METTL2A: variants seen among roughly 807,000 people sequenced by gnomAD.
METTL2A encodes methyltransferase 2A, tRNA N3-cytidine.
A neutral mutation model predicts 49.4 loss-of-function variants in METTL2A; 45 were observed. The observed-to-expected ratio is 0.91, with a 90% CI of 0.72 to 1.17. METTL2A has a LOEUF of 1.17. METTL2A is among the 50% of genes most tolerant of loss of function. The pLI is 0.00. For missense variants in METTL2A, 361 were observed against 462.2 expected (o/e 0.78, Z 2.01); for synonymous variants, 118 against 167.5 (o/e 0.70, Z 2.28).
chr17:62,436,090 G>A (rs1304221676), intron 5 of METTL2A, among the ~76,000 whole-genome samples: 1 of 151,672 alleles, frequency 6.6e-6, no homozygotes, highest in Non-Finnish European at 1.5e-5. Flanking sequence ...AAATTAGCCG[G>A]GCTAAAAATA....
intron 7 of METTL2A, among the ~76,000 whole-genome samples, chr17:62,446,875 G>A (rs1405324943): frequency 6.6e-6 from 1 of 152,170 alleles, no homozygotes; most frequent in Non-Finnish European, 1.5e-5. Flanking sequence ...TATCTGCAGG[G>A]AAATAAGTAC....
chr17:62,452,599 A>G lies in METTL2A; in HGVS notation c.*3870A>G, dbSNP rs1452640798. Among the ~76,000 whole-genome samples the G allele has an allele frequency of 6.6e-6, 1 of 152,094 alleles. No individual in the cohort carries two copies. Among genetic ancestry groups the G allele is most frequent in the Non-Finnish European group, 1.5e-5 (1 of 68,012 alleles). On this transcript the variant is annotated 3_prime_UTR_variant, in exon 9 of 9. Coordinates refer to ENST00000311506, the MANE Select transcript of METTL2A (RefSeq NM_181725.4). The stretch of plus-strand genomic sequence containing the variant: ...GATTTACTTGTCTCAATATGGACCC[A>G]TGGGTATTTGAGTTTCTTGTGGGGT...
At chr17:62,443,153 G>A (rs1195280072) in intron 6 of METTL2A, among the ~76,000 whole-genome samples, 1 of 152,156 alleles carries the variant, frequency 6.6e-6, no homozygotes, top group African/African-American at 2.4e-5. Flanking sequence ...TGGGAGGAGT[G>A]CTTGAAGCCA....
Position 62,448,870 on chromosome 17 carries a change from C to T in METTL2A, c.*141C>T. 2 of 1,358,396 alleles carry T rather than the reference C, an allele frequency of 1.5e-6. No homozygotes were observed. The highest frequency in any genetic ancestry group is 2.4e-5 in the East Asian group (1 of 41,414). The allele number at this position is 1,358,396 out of a possible 1,614,324, so 84.1% of individuals were successfully genotyped here. A position where few individuals can be genotyped will look rare whatever the true frequency, so the allele number is the denominator to read the frequency against. ...GGCGGGGAGGATCCATTGAGCCCAG[C>T]AGTCCAACCTGGGCAAAATAGTGAG... On this transcript the variant is annotated 3_prime_UTR_variant, in exon 9 of 9. Transcript: ENST00000311506.
At chr17:62,434,882 G>A in intron 4 of METTL2A, 1 of 302,066 alleles carries the variant, frequency 3.3e-6, no homozygotes, top group South Asian at 3.5e-5. Flanking sequence ...CTGGTGTGGA[G>A]AAAGTGCCAG....
intron 5 of METTL2A, among the ~76,000 whole-genome samples, chr17:62,436,764 GT>G (rs2070702936): frequency 6.6e-6 from 1 of 152,002 alleles, no homozygotes; most frequent in Admixed American, 6.6e-5. Flanking sequence ...TAACAGTGAA[GT>G]TTACCGTATC....
At chr17:62,430,502 G>A (rs1252314072) in intron 4 of METTL2A, among the ~76,000 whole-genome samples, 2 of 152,120 alleles carry the variant, frequency 1.3e-5, no homozygotes, top group Non-Finnish European at 2.9e-5. Context: ...CTACAAGAGT[G>A]TGCCCTATAA....
At chr17:62,446,497 G>A (rs2070769838) in intron 7 of METTL2A, among the ~76,000 whole-genome samples, 3 of 152,190 alleles carry the variant, frequency 2.0e-5, no homozygotes, top group South Asian at 4.2e-4. Context: ...ATTTTTAGTA[G>A]AGACAGGGTT....
rs1443088896 is a variant in METTL2A at position 62,441,602 on chromosome 17, A to G, written c.809+846A>G. Among the ~76,000 whole-genome samples the G allele has an allele frequency of 5.9e-5, 9 of 152,038 alleles. No individual in the cohort carries two copies. The South Asian group carries it at 1.7e-3, about 28-fold the overall frequency. On this transcript the variant is annotated intron_variant, in intron 6 of 8. Transcript: ENST00000311506. ...GCTGGGATTACAGGCACCTGCTACC[A>G]TGCCCAGCTAATTTTTGTATTTTTA...
rs376642296 is a variant in METTL2A, at chr17:62,449,344, C to CAA, written c.*623_*624dup. 7.1e-6 allele frequency: 3 copies of CAA among 420,224 alleles called. No individual in the cohort carries two copies. Among genetic ancestry groups the CAA allele is most frequent in the African/African-American group, 6.3e-5 (3 of 47,362 alleles). The allele number at this position is 420,224 out of a possible 1,614,324, so 26.0% of individuals were successfully genotyped here. ...AGAATCAGATCAGATATTTTCCTGA[C>CAA]AAAAAAAAATGACCCTACAGAGAGC... On this transcript the variant is annotated 3_prime_UTR_variant, in exon 9 of 9. Transcript: ENST00000311506.
chr17:62,439,997 G>A (rs1414062548), intron 5 of METTL2A, among the ~76,000 whole-genome samples: 1 of 150,518 alleles, frequency 6.6e-6, no homozygotes, highest in African/African-American at 2.4e-5. Context: ...TGATGCAAAA[G>A]TAATTGTCGT....
chr17:62,442,902 A>G (rs942430077), intron 6 of METTL2A, among the ~76,000 whole-genome samples: 1 of 152,222 alleles, frequency 6.6e-6, no homozygotes, highest in African/African-American at 2.4e-5. Flanking sequence ...TATCTCCCAG[A>G]GTCCAAGGAC....
chr17:62,439,297 A>G (rs917215243), intron 5 of METTL2A, among the ~76,000 whole-genome samples: 7 of 150,332 alleles, frequency 4.7e-5, no homozygotes, highest in African/African-American at 1.7e-4. Context: ...GTAGAGATGA[A>G]GTCTCACTAT....
At chr17:62,440,450 A>G (rs1425504124) in intron 5 of METTL2A, among the ~76,000 whole-genome samples, 167 bp from the exon 6 acceptor site, 1 of 152,216 alleles carries the variant, frequency 6.6e-6, no homozygotes. Flanking sequence ...GTTTGAGGCC[A>G]GCCTGGGCAA....
At chr17:62,442,000 C>T (rs373305886) in intron 6 of METTL2A, among the ~76,000 whole-genome samples, 2 of 151,906 alleles carry the variant, frequency 1.3e-5, no homozygotes, top group Admixed American at 6.6e-5. Context: ...ATGATCCGCC[C>T]GCCACGGCCT....
intron 2 of METTL2A, among the ~76,000 whole-genome samples, chr17:62,426,017 G>T (rs1443173977): frequency 6.6e-6 from 1 of 150,818 alleles, no homozygotes; most frequent in Non-Finnish European, 1.5e-5. Flanking sequence ...AAAAAAAAAG[G>T]CATCCAAAGA....
In METTL2A at chr17:62,445,814, T is replaced by C. The variant is rs1598037598; in HGVS notation, c.916+871T>C. On this transcript the variant is annotated intron_variant, in intron 7 of 8. Coordinates refer to ENST00000311506, the MANE Select transcript of METTL2A (RefSeq NM_181725.4). Reference sequence around the variant, plus strand: ...GTCTCAAGAAAAAAAAAAAAAGATATTTGAAAGACATAAATAATTTTAAAT... The same window carrying C: ...GTCTCAAGAAAAAAAAAAAAAGATACTTGAAAGACATAAATAATTTTAAAT... 2.0e-5 allele frequency among the ~76,000 whole-genome samples: 3 copies of C among 151,802 alleles called. No homozygotes were observed. In the South Asian group the frequency reaches 6.2e-4, roughly 32 times the overall value.
At position 62,424,856 on chromosome 17, in the gene METTL2A, G is replaced by A. The variant is rs552500565; in HGVS notation, c.202+546G>A. Reference sequence around the variant, plus strand: ...AGAAAAGGAGGCCCCTGCTTGAGAGGTGGATGATTTCACTGCAAAATATCC... The same window carrying A: ...AGAAAAGGAGGCCCCTGCTTGAGAGATGGATGATTTCACTGCAAAATATCC... On this transcript the variant is annotated intron_variant, in intron 2 of 8. Coordinates refer to ENST00000311506, the MANE Select transcript of METTL2A (RefSeq NM_181725.4). 5.3e-5 allele frequency among the ~76,000 whole-genome samples: 8 copies of A among 151,672 alleles called. No homozygotes were observed. In the Admixed American group the frequency reaches 5.3e-4, roughly 10 times the overall value.
chr17:62,432,353 T>C (rs567789135), intron 4 of METTL2A, among the ~76,000 whole-genome samples: 4 of 152,282 alleles, frequency 2.6e-5, no homozygotes, highest in Admixed American at 6.5e-5. Flanking sequence ...CATCCGAGGA[T>C]TCAAGCAATC....
Sources: allele counts gnomAD v4.1 joint callset (sites outside exome capture counted in the v4.1 genomes callset), GRCh38; gene constraint gnomAD v4.1.1; transcripts MANE v1.5; gene names NCBI Gene and HGNC (gene_info 2026-07-23, HGNC 2026-07-21).